LRRC8B: variants seen among roughly 807,000 people sequenced by gnomAD.
LRRC8B encodes the protein volume-regulated anion channel subunit LRRC8B.
LRRC8B carries 23 observed loss-of-function variants against 58.8 expected under a neutral mutation model. The observed-to-expected ratio is 0.39, with a 90% confidence interval of 0.28 to 0.55. The LOEUF is 0.55. Among genes scored for constraint, LRRC8B ranks in the 20% least tolerant of loss-of-function variants. The probability of loss-of-function intolerance (pLI) is 0.62; values close to 1 mark genes in which losing one functional copy is unlikely to be tolerated. For missense variants in LRRC8B, 694 were observed against 936.0 expected, an observed-to-expected ratio of 0.74 and a Z score of 3.37; for synonymous variants, 359 against 374.1, an observed-to-expected ratio of 0.96 and a Z score of 0.47.
rs922249870 is a variant in LRRC8B at position 89,583,720 on chromosome 1, G to A, written c.1070G>A (p.Ser357Asn). The A allele has an allele frequency of 6.2e-7, 1 of 1,613,860 alleles. No homozygotes were observed. Among genetic ancestry groups the A allele is most frequent in the African/African-American group, 1.3e-5 (1 of 74,936 alleles). ...FEALREKSNYSDIPDVKNDFA... is the reference protein window; with the variant it reads ...FEALREKSNYNDIPDVKNDFA... ...GCGTTAAGAGAAAAAAGCAACTACA[G>A]TGACATCCCTGATGTCAAGAATGAC... is the stretch of plus-strand genomic sequence containing the variant. Residue 357 changes from serine to asparagine, a missense_variant, in exon 5 of 6, where the codon AGT becomes AAT. Ser to Asn is a conservative substitution (Grantham distance 46). Coordinates refer to ENST00000330947, the MANE Select transcript of LRRC8B (RefSeq NM_001369817.2). The surrounding 1 kb of genome is among the most constrained non-coding windows in gnomAD (Gnocchi z 5.2).
At chr1:89,540,845 C>T (rs1650911365) in intron 1 of LRRC8B, among the ~76,000 whole-genome samples, 1 of 152,126 alleles carries the variant, frequency 6.6e-6, no homozygotes, top group Admixed American at 6.5e-5. Flanking sequence ...AGAAAAAAGT[C>T]ATAGGATTAA....
intron 5 of LRRC8B, among the ~76,000 whole-genome samples, chr1:89,589,768 G>GAAA (rs71084952): frequency 2.0e-5 from 2 of 97,994 alleles, no homozygotes; most frequent in Non-Finnish European, 2.1e-5. Context: ...TCAGTGGCCA[G>GAAA]AAAAAAAAAA....
chr1:89,545,396 C>A (rs548303953), intron 1 of LRRC8B, among the ~76,000 whole-genome samples: 1 of 152,214 alleles, frequency 6.6e-6, no homozygotes, highest in Non-Finnish European at 1.5e-5. Context: ...ATTCCTATTC[C>A]TCAGAGAAGT....
chr1:89,534,499 A>T (rs1650377027), intron 1 of LRRC8B, among the ~76,000 whole-genome samples: 1 of 148,368 alleles, frequency 6.7e-6, no homozygotes, highest in Admixed American at 6.7e-5. Flanking sequence ...TTTCATTATC[A>T]TGTCTTTTGT....
intron 1 of LRRC8B, among the ~76,000 whole-genome samples, chr1:89,565,459 A>G (rs1652977788): frequency 6.6e-6 from 1 of 152,172 alleles, no homozygotes; most frequent in African/African-American, 2.4e-5. Flanking sequence ...TTTGGTGAGT[A>G]AGTTGGCAAA....
chr1:89,587,425 T>C (rs575178964), intron 5 of LRRC8B, among the ~76,000 whole-genome samples: 1 of 152,194 alleles, frequency 6.6e-6, no homozygotes, highest in South Asian at 2.1e-4. Context: ...TCCCAGCTAC[T>C]TAGGAAGCTG....
intron 1 of LRRC8B, among the ~76,000 whole-genome samples, chr1:89,555,765 C>T (rs1337322708): frequency 1.3e-5 from 2 of 152,166 alleles, no homozygotes; most frequent in Non-Finnish European, 2.9e-5. Flanking sequence ...CAAGCTTGAC[C>T]TTTTAAGTGA....
At chr1:89,541,050 T>G (rs774362609) in intron 1 of LRRC8B, among the ~76,000 whole-genome samples, 1 of 152,214 alleles carries the variant, frequency 6.6e-6, no homozygotes, top group East Asian at 1.9e-4. Context: ...TAGCACAACT[T>G]TTTAAATTAT....
At chr1:89,543,814 G>A (rs1055057674) in intron 1 of LRRC8B, among the ~76,000 whole-genome samples, 3 of 151,188 alleles carry the variant, frequency 2.0e-5, no homozygotes, top group African/African-American at 7.3e-5. Flanking sequence ...TTGAGTTGGG[G>A]TCTTGCTCTG....
chr1:89,565,945 C>G (rs1249343088), intron 1 of LRRC8B, among the ~76,000 whole-genome samples: 2 of 152,228 alleles, frequency 1.3e-5, no homozygotes, highest in East Asian at 3.9e-4. Flanking sequence ...GTTTCTGACC[C>G]GAAGGAAATA....
intron 1 of LRRC8B, among the ~76,000 whole-genome samples, chr1:89,547,031 ACT>A (rs1324184158): frequency 6.6e-6 from 1 of 151,914 alleles, no homozygotes; most frequent in African/African-American, 2.4e-5. Context: ...AATACTCAAA[ACT>A]CTCACTTCCT....
chr1:89,586,803 T>G (rs1654657988), intron 5 of LRRC8B, among the ~76,000 whole-genome samples: 1 of 152,200 alleles, frequency 6.6e-6, no homozygotes, highest in Non-Finnish European at 1.5e-5. Context: ...ATGATGAACA[T>G]GACATCTTTG....
At chr1:89,570,848 T>C (rs1057329599) in intron 3 of LRRC8B, among the ~76,000 whole-genome samples, 6 of 152,088 alleles carry the variant, frequency 3.9e-5, no homozygotes, top group African/African-American at 1.4e-4. Flanking sequence ...TAATTTGGGG[T>C]TTTTATAATT....
chr1:89,592,364 A>G (rs1269724610), intron 5 of LRRC8B, among the ~76,000 whole-genome samples: 1 of 152,250 alleles, frequency 6.6e-6, no homozygotes, highest in African/African-American at 2.4e-5. Flanking sequence ...TACATTACAC[A>G]GTAAACTTTT....
At chr1:89,528,181 C>G (rs1353307639) in intron 1 of LRRC8B, among the ~76,000 whole-genome samples, 1 of 152,082 alleles carries the variant, frequency 6.6e-6, no homozygotes, top group South Asian at 2.1e-4. Context: ...CTCCATTCTG[C>G]AATGCCTATT....
At chr1:89,566,242 G>A (rs924322090) in intron 1 of LRRC8B, among the ~76,000 whole-genome samples, 6 of 152,250 alleles carry the variant, frequency 3.9e-5, no homozygotes, top group African/African-American at 1.4e-4. Context: ...ATTAGTAAAT[G>A]ACTTCCTGGA....
At chr1:89,559,616 ATAT>A (rs1455118927) in intron 1 of LRRC8B, among the ~76,000 whole-genome samples, 4 of 120,152 alleles carry the variant, frequency 3.3e-5, no homozygotes, top group African/African-American at 1.4e-4. Context: ...AAAAAAAAAA[ATAT>A]ATATATATAT....
At chr1:89,528,269 A>G (rs1029040668) in intron 1 of LRRC8B, among the ~76,000 whole-genome samples, 5 of 152,130 alleles carry the variant, frequency 3.3e-5, no homozygotes, top group Non-Finnish European at 5.9e-5. Flanking sequence ...ATCCAGCTCC[A>G]TGCAGGTGAC....
At chr1:89,535,890 G>A (rs1650490146) in intron 1 of LRRC8B, among the ~76,000 whole-genome samples, 1 of 152,048 alleles carries the variant, frequency 6.6e-6, no homozygotes, top group Non-Finnish European at 1.5e-5. Flanking sequence ...GCTAGATTTG[G>A]GATTTTTTTT....
Sources: gnomAD v4.1 joint callset for allele counts (sites outside exome capture counted in the v4.1 genomes callset) on GRCh38, gnomAD v4.1.1 for gene constraint, Gnocchi (gnomAD v3.1) non-coding constraint, MANE v1.5 for transcripts, NCBI Gene and HGNC (gene_info 2026-07-23, HGNC 2026-07-21) for gene names.